The following FEZ2 variants were observed in gnomAD, a reference collection of about 807,000 sequenced individuals.
FEZ2 encodes the protein fasciculation and elongation protein zeta-2.
A neutral mutation model predicts 40.4 loss-of-function variants in FEZ2; 51 were observed. The observed-to-expected ratio is 1.26, with a 90% CI of 1.01 to 1.59. The LOEUF (loss-of-function observed/expected upper bound fraction) is 1.59, where lower values mean the gene tolerates loss of function less well. Among genes scored for constraint, FEZ2 ranks in the 40% most tolerant of loss-of-function variants. The pLI is 0.00. For missense variants in FEZ2, 640 were observed against 438.3 expected, an observed-to-expected ratio of 1.46 and a Z score of -4.11; for synonymous variants, 242 against 172.0, an observed-to-expected ratio of 1.41 and a Z score of -3.18.
intron 5 of FEZ2, among the ~76,000 whole-genome samples, chr2:36,565,236 A>C (rs1398628880): frequency 6.6e-6 from 1 of 152,168 alleles, no homozygotes; most frequent in Non-Finnish European, 1.5e-5. Context: ...ACAGCCTCCT[A>C]ATTAACTTAT....
chr2:36,558,520 A>G lies in FEZ2; in HGVS notation c.904-7T>C. ...GAATGACTGTAGTCAAATACTGCCA[A>G]GTTTAAAAAAAAAAAGTGTCACTTA... On this transcript the variant is annotated splice_region_variant and splice_polypyrimidine_tract_variant and intron_variant, in intron 5 of 7. Coordinates refer to ENST00000405912, the MANE Select transcript of FEZ2 (RefSeq NM_005102.3). 6.7e-7 allele frequency: 1 copy of G among 1,486,480 alleles called. No individual in the cohort carries two copies. Among genetic ancestry groups the G allele is most frequent in the South Asian group, 1.3e-5 (1 of 74,274 alleles). The allele number at this position is 1,486,480 out of a possible 1,614,324, so 92.1% of individuals were successfully genotyped here. A position where few individuals can be genotyped will look rare whatever the true frequency, so the allele number is the denominator to read the frequency against.
chr2:36,561,918 A>G (rs1421100071), intron 5 of FEZ2, among the ~76,000 whole-genome samples: 1 of 152,216 alleles, frequency 6.6e-6, no homozygotes, highest in Non-Finnish European at 1.5e-5. Context: ...GTGGTTCTCA[A>G]AGTGTAGTCC....
chr2:36,585,378 G>A (rs1247111351), intron 2 of FEZ2, among the ~76,000 whole-genome samples: 1 of 152,182 alleles, frequency 6.6e-6, no homozygotes, highest in East Asian at 1.9e-4. Flanking sequence ...CTAATAACAA[G>A]TGACAAAGAG....
At position 36,593,155 on chromosome 2, in the gene FEZ2, T is replaced by G. The variant is rs1289343161; in HGVS notation, c.267-2144A>C. Among the ~76,000 whole-genome samples the G allele has an allele frequency of 2.0e-5, 3 of 152,344 alleles. No individual in the cohort carries two copies. The East Asian group carries it at 5.8e-4, about 29-fold the overall frequency. Reference sequence around the variant, plus strand: ...CCAAGACTGGGACGAAAAAGAGGTTTAATTGGACTTACAGTTCCACATGGC... The same window carrying G: ...CCAAGACTGGGACGAAAAAGAGGTTGAATTGGACTTACAGTTCCACATGGC... On this transcript the variant is annotated intron_variant, in intron 1 of 7. Coordinates refer to ENST00000405912, the MANE Select transcript of FEZ2 (RefSeq NM_005102.3).
chr2:36,557,015 GT>G (rs563358145), intron 6 of FEZ2: 116 of 152,264 alleles, frequency 7.6e-4, no homozygotes, highest in African/African-American at 2.8e-3. Flanking sequence ...GACCAATGAA[GT>G]ATTTGTTCTT....
rs537491437 is a variant in FEZ2, at chr2:36,568,670, C to T, written c.903+9927G>A. Reference sequence around the variant, plus strand: ...TGAGCAGGGAAATGATTAAGCATTACAGTATTTACTTTATTGTTGCCCTCA... The same window carrying T: ...TGAGCAGGGAAATGATTAAGCATTATAGTATTTACTTTATTGTTGCCCTCA... On this transcript the variant is annotated intron_variant, in intron 5 of 7. Transcript: ENST00000405912. Among the ~76,000 whole-genome samples the T allele has an allele frequency of 1.2e-4, 18 of 152,278 alleles. No individual in the cohort carries two copies. The South Asian group carries it at 3.5e-3, about 30-fold the overall frequency.
Position 36,554,484 on chromosome 2 carries a change from G to A in FEZ2, c.1045+1199C>T, listed in dbSNP as rs927146647. On this transcript the variant is annotated intron_variant, in intron 7 of 7. Transcript: ENST00000405912. ...ATTCCTGTTTCACATCTAGAAGAACGAACCTCAGAACAATCCAGCTTTCAT... is the reference window on the plus strand; with the variant it reads ...ATTCCTGTTTCACATCTAGAAGAACAAACCTCAGAACAATCCAGCTTTCAT... Among the ~76,000 whole-genome samples the A allele has an allele frequency of 9.9e-5, 15 of 152,020 alleles. 1 individual carries two copies. Among genetic ancestry groups the A allele is most frequent in the African/African-American group, 2.2e-4 (9 of 41,464 alleles).
At chr2:36,595,081 G>A (rs904003880) in intron 1 of FEZ2, among the ~76,000 whole-genome samples, 9 of 151,996 alleles carry the variant, frequency 5.9e-5, no homozygotes, top group African/African-American at 1.9e-4. Context: ...TGCCAACATC[G>A]AATCCTGCAG....
chr2:36,574,423 G>C (rs775527276), intron 5 of FEZ2, among the ~76,000 whole-genome samples: 2 of 151,926 alleles, frequency 1.3e-5, no homozygotes, highest in Non-Finnish European at 2.9e-5. Flanking sequence ...TACGAATACC[G>C]AGAAAGTAAA....
At position 36,597,732 on chromosome 2, in the gene FEZ2, C is replaced by G. The variant is rs370890152; in HGVS notation, c.266+145G>C. On this transcript the variant is annotated intron_variant, in intron 1 of 7. Coordinates refer to ENST00000405912, the MANE Select transcript of FEZ2 (RefSeq NM_005102.3). ...AAATTGCTGGGCGAGCCGAGGCCGA[C>G]GGCCGGAGGAAGGAGGCGAGAGGGC... is the stretch of plus-strand genomic sequence containing the variant. The G allele has an allele frequency of 1.3e-3, 780 of 582,668 alleles. 15 individuals carry two copies. The East Asian group carries it at 0.026, about 19-fold the overall frequency. 36.1% of individuals were successfully genotyped at this position (582,668 alleles called of 1,614,324 possible).
At chr2:36,559,027 C>A (rs1392510006) in intron 5 of FEZ2, 1 of 152,200 alleles carries the variant, frequency 6.6e-6, no homozygotes, top group Non-Finnish European at 1.5e-5. Context: ...ACACTAGCTT[C>A]TTTCAGAAGC....
At chr2:36,586,719 T>A (rs568691097) in intron 2 of FEZ2, among the ~76,000 whole-genome samples, 7 of 151,788 alleles carry the variant, frequency 4.6e-5, no homozygotes, top group Non-Finnish European at 1.0e-4. Context: ...GGTGGGAGGA[T>A]CTCCTGAGGT....
chr2:36,573,150 A>G (rs2125230181), intron 5 of FEZ2, among the ~76,000 whole-genome samples: 1 of 152,344 alleles, frequency 6.6e-6, no homozygotes, highest in South Asian at 2.1e-4. Flanking sequence ...TATGGCAAAC[A>G]GAAAAGACTA....
chr2:36,553,206 A>G lies in FEZ2; in HGVS notation c.1046-27T>C. ...TAGAAGAAAAAGAGAACTTTTAGCTACAAATGTATATTTTGTATACATTTA... is the reference window on the plus strand; with the variant it reads ...TAGAAGAAAAAGAGAACTTTTAGCTGCAAATGTATATTTTGTATACATTTA... On this transcript the variant is annotated intron_variant, in intron 7 of 7. Coordinates refer to ENST00000405912, the MANE Select transcript of FEZ2 (RefSeq NM_005102.3). The G allele has an allele frequency of 2.7e-6, 4 of 1,504,962 alleles. No homozygotes were observed. In the South Asian group the frequency reaches 4.8e-5, roughly 18 times the overall value. The allele number at this position is 1,504,962 out of a possible 1,614,324, so 93.2% of individuals were successfully genotyped here.
At chr2:36,590,740 T>G in intron 2 of FEZ2, 163 bp downstream of exon 2, 2 of 550,488 alleles carry the variant, frequency 3.6e-6, no homozygotes, top group Non-Finnish European at 6.5e-6. Flanking sequence ...GCCAGCAAGG[T>G]GATGGCCCTA....
intron 1 of FEZ2, among the ~76,000 whole-genome samples, chr2:36,595,981 C>T (rs1429083977): frequency 6.6e-6 from 1 of 152,014 alleles, no homozygotes; most frequent in East Asian, 1.9e-4. Flanking sequence ...CTTGAAAAAC[C>T]CAAATACATA....
intron 1 of FEZ2, 149 bp downstream of exon 1, chr2:36,597,728 C>A (rs1669270250): frequency 3.5e-6 from 2 of 572,454 alleles, no homozygotes; most frequent in Non-Finnish European, 5.3e-6. Context: ...CGAGCCGAGG[C>A]CGACGGCCGG....
chr2:36,592,434 T>G (rs11124520), intron 1 of FEZ2, among the ~76,000 whole-genome samples: 52 of 152,028 alleles, frequency 3.4e-4, no homozygotes, highest in African/African-American at 1.2e-3. Context: ...AGTTAACAAA[T>G]AGGGATTGGG....
chr2:36,562,225 G>T (rs746344820), intron 5 of FEZ2, among the ~76,000 whole-genome samples: 2 of 151,886 alleles, frequency 1.3e-5, no homozygotes, highest in Admixed American at 6.6e-5. Context: ...TCTTTATAAT[G>T]AATTTATTTT....
Sources: allele counts gnomAD v4.1 joint callset (sites outside exome capture counted in the v4.1 genomes callset), GRCh38; gene constraint gnomAD v4.1.1; transcripts MANE v1.5; gene names NCBI Gene and HGNC (gene_info 2026-07-23, HGNC 2026-07-21).